Variants in NUBPL observed in about 807,000 individuals in gnomAD.
NUBPL encodes iron-sulfur cluster transfer protein NUBPL.
A neutral mutation model predicts 45.7 loss-of-function variants in NUBPL; 31 were observed. The ratio of observed to expected loss-of-function variants is 0.68; its 90% CI spans 0.51 to 0.92. NUBPL has a LOEUF of 0.92. Ranked by LOEUF, NUBPL falls within the 40% of genes least tolerant of loss-of-function variation. The pLI, the probability that NUBPL is intolerant of heterozygous loss-of-function variation, is 0.00. For missense variants in NUBPL, 401 were observed against 398.7 expected, an observed-to-expected ratio of 1.01 and a Z score of -0.05; for synonymous variants, 144 against 140.9, an observed-to-expected ratio of 1.02 and a Z score of -0.15.
At chr14:31,858,351 G>A (rs1160681845) in intron 10 of NUBPL, among the ~76,000 whole-genome samples, 2 of 152,314 alleles carry the variant, frequency 1.3e-5, no homozygotes, top group African/African-American at 4.8e-5. Flanking sequence ...AATTATCAAT[G>A]TAGAAATTAA....
chr14:31,699,637 C>T (rs12895565), intron 6 of NUBPL, among the ~76,000 whole-genome samples: 44,937 of 152,066 alleles, frequency 0.3, 7,516 homozygotes, highest in South Asian at 0.41. Context: ...ATCCCTGAAA[C>T]GCTAATTGAC....
At chr14:31,855,003 A>C (rs1703493380) in intron 10 of NUBPL, among the ~76,000 whole-genome samples, 1 of 152,234 alleles carries the variant, frequency 6.6e-6, no homozygotes. Flanking sequence ...GTTTGGAGAT[A>C]GTCCATTAAA....
Position 31,683,646 on chromosome 14 carries a change from C to T in NUBPL, c.513+10072C>T, listed in dbSNP as rs1415936918. Among the ~76,000 whole-genome samples the T allele has an allele frequency of 5.9e-5, 9 of 152,184 alleles. No individual in the cohort carries two copies. The South Asian group carries it at 8.3e-4, about 14-fold the overall frequency. ...GATTACAGGCGTGAGCCACCGCGCC[C>T]GGCTGCCAAAACAATCTTTTTTATT... On this transcript the variant is annotated intron_variant, in intron 6 of 10. Coordinates refer to ENST00000281081, the MANE Select transcript of NUBPL (RefSeq NM_025152.3).
In NUBPL at chr14:31,759,020, G is replaced by A. The variant is rs573583772; in HGVS notation, c.514-28760G>A. On this transcript the variant is annotated intron_variant, in intron 6 of 10. Coordinates refer to ENST00000281081, the MANE Select transcript of NUBPL (RefSeq NM_025152.3). ...TACCATCCTCCATGTATGGCACATAGGAGTCTTAGAACATACCCTTTCCAC... is the reference window on the plus strand; with the variant it reads ...TACCATCCTCCATGTATGGCACATAAGAGTCTTAGAACATACCCTTTCCAC... Among the ~76,000 whole-genome samples the A allele has an allele frequency of 5.3e-5, 8 of 151,882 alleles. No homozygotes were observed. In the East Asian group the frequency reaches 1.6e-3, roughly 29 times the overall value.
chr14:31,850,261 AAG>A, intron 10 of NUBPL, 60 bp downstream of exon 10: 2 of 1,316,502 alleles, frequency 1.5e-6, no homozygotes, highest in Non-Finnish European at 2.2e-6. Context: ...GAAATACAGA[AAG>A]AAAGTTGGGA....
intron 6 of NUBPL, among the ~76,000 whole-genome samples, chr14:31,735,574 C>G (rs1161360662): frequency 1.3e-5 from 2 of 152,142 alleles, no homozygotes; most frequent in Non-Finnish European, 2.9e-5. Flanking sequence ...GAGTGAATGG[C>G]CAGGCGCGGT....
chr14:31,840,412 A>C lies in NUBPL; in HGVS notation c.694-6059A>C, dbSNP rs138644921. 6.7e-3 allele frequency among the ~76,000 whole-genome samples: 1,017 copies of C among 152,120 alleles called. 14 individuals are homozygous for C. The highest frequency in any genetic ancestry group is 0.023 in the African/African-American group (958 of 41,506). ...CACGGTGAAACCCCATCTCTACTAG[A>C]AATACAAAAAAATTAGCCAGACGTG... On this transcript the variant is annotated intron_variant, in intron 8 of 10. Coordinates refer to ENST00000281081, the MANE Select transcript of NUBPL (RefSeq NM_025152.3).
chr14:31,571,622 G>T (rs948223189), intron 3 of NUBPL, among the ~76,000 whole-genome samples: 1 of 152,006 alleles, frequency 6.6e-6, no homozygotes, highest in Non-Finnish European at 1.5e-5. Flanking sequence ...GCTAATTTTT[G>T]AATTTTTTGT....
intron 8 of NUBPL, among the ~76,000 whole-genome samples, chr14:31,832,430 A>G (rs1472824589): frequency 6.6e-6 from 1 of 152,146 alleles, no homozygotes; most frequent in South Asian, 2.1e-4. Flanking sequence ...CCATTAATAA[A>G]TCTACCAGGA....
chr14:31,835,910 A>G (rs187431477), intron 8 of NUBPL, among the ~76,000 whole-genome samples: 2 of 152,180 alleles, frequency 1.3e-5, no homozygotes, highest in East Asian at 1.9e-4. Flanking sequence ...TTTCCTCCTC[A>G]CTTTTTCTTA....
chr14:31,721,110 C>T (rs563135308), intron 6 of NUBPL, among the ~76,000 whole-genome samples: 3 of 152,192 alleles, frequency 2.0e-5, no homozygotes, highest in South Asian at 2.1e-4. Context: ...TGGCAATGTT[C>T]GGAGGCTTTC....
chr14:31,704,818 G>A (rs536631995), intron 6 of NUBPL, among the ~76,000 whole-genome samples: 8 of 152,216 alleles, frequency 5.3e-5, no homozygotes, highest in African/African-American at 1.7e-4. Flanking sequence ...TAACATCCCA[G>A]TGTGTCTGGA....
At chr14:31,653,035 A>G (rs957518387) in intron 4 of NUBPL, among the ~76,000 whole-genome samples, 1 of 152,148 alleles carries the variant, frequency 6.6e-6, no homozygotes, top group Non-Finnish European at 1.5e-5. Context: ...TTCAAAAGGG[A>G]AGGGGGTGTA....
chr14:31,783,761 G>C (rs904028843), intron 6 of NUBPL, among the ~76,000 whole-genome samples: 1 of 152,112 alleles, frequency 6.6e-6, no homozygotes, highest in Non-Finnish European at 1.5e-5. Context: ...CAAGTGATAC[G>C]TGTGCCTTGG....
At chr14:31,706,332 G>A (rs1348434257) in intron 6 of NUBPL, among the ~76,000 whole-genome samples, 2 of 152,192 alleles carry the variant, frequency 1.3e-5, no homozygotes, top group Non-Finnish European at 2.9e-5. Context: ...GGTAGAAGTT[G>A]TTAGTTGAGC....
At chr14:31,602,394 G>T (rs11622307) in intron 4 of NUBPL, among the ~76,000 whole-genome samples, 1 of 12,754 alleles carries the variant, frequency 7.8e-5, no homozygotes, top group Non-Finnish European at 1.6e-4. Flanking sequence ...TATAATAATA[G>T]AAAAAAAAAA....
chr14:31,579,755 TG>T (rs1427459342), intron 3 of NUBPL, among the ~76,000 whole-genome samples: 1 of 152,254 alleles, frequency 6.6e-6, no homozygotes, highest in Non-Finnish European at 1.5e-5. Flanking sequence ...AATCTTTAGA[TG>T]TCCATATTTT....
chr14:31,620,317 C>A lies in NUBPL; in HGVS notation c.382+20938C>A, dbSNP rs180707361. On this transcript the variant is annotated intron_variant, in intron 4 of 10. Coordinates refer to ENST00000281081, the MANE Select transcript of NUBPL (RefSeq NM_025152.3). ...CTCATTCTCTGTCTAGTTTTGTTCC[C>A]TTGCTTGCAAGGAGTTGTGATCCTT... Among the ~76,000 whole-genome samples the A allele has an allele frequency of 2.2e-3, 337 of 152,116 alleles. 1 individual carries two copies. The highest frequency in any genetic ancestry group is 4.4e-3 in the South Asian group (21 of 4,814).
intron 6 of NUBPL, among the ~76,000 whole-genome samples, chr14:31,735,593 C>T (rs2038147641): frequency 6.6e-6 from 1 of 152,008 alleles, no homozygotes; most frequent in Non-Finnish European, 1.5e-5. Flanking sequence ...GTGGCTCACG[C>T]CTGTAATCCC....
Sources: allele counts gnomAD v4.1 joint callset (sites outside exome capture counted in the v4.1 genomes callset), GRCh38; gene constraint gnomAD v4.1.1; transcripts MANE v1.5; gene names NCBI Gene and HGNC (gene_info 2026-07-23, HGNC 2026-07-21).